The following PRKN variants were observed in gnomAD, a reference collection of about 807,000 sequenced individuals.
The protein encoded by PRKN is E3 ubiquitin-protein ligase parkin.
PRKN carries 56 observed loss-of-function variants against 59.5 expected under a neutral mutation model. That is an observed-to-expected ratio of 0.94 (90% CI 0.76 to 1.18). The LOEUF is 1.18. PRKN is among the 50% of genes most tolerant of loss of function. PRKN has a pLI of 0.00. For missense variants in PRKN, 657 were observed against 596.4 expected (o/e 1.10, Z -1.06); for synonymous variants, 250 against 222.1 (o/e 1.13, Z -1.12).
At chr6:161,783,776 A>C (rs2128206220) in intron 7 of PRKN, 1 of 441,884 alleles carries the variant, frequency 2.3e-6, no homozygotes, top group East Asian at 6.3e-5. Context: ...TTTGTTAAAA[A>C]GAAAGGCACA....
At position 161,579,257 on chromosome 6, in the gene PRKN, G is replaced by C. The variant is rs1374594875; in HGVS notation, c.872-9841C>G. ...AATGTCTAGTTAACGTTGGGGGAAA[G>C]AGAATCTGTGGGACTGTCATCCCCC... On this transcript the variant is annotated intron_variant, in intron 7 of 11. Coordinates refer to ENST00000366898, the MANE Select transcript of PRKN (RefSeq NM_004562.3). The surrounding 1 kb of genome is among the most constrained non-coding windows in gnomAD (Gnocchi z 4.2). 2.0e-5 allele frequency among the ~76,000 whole-genome samples: 3 copies of C among 152,218 alleles called. No homozygotes were observed. The highest frequency in any genetic ancestry group is 7.2e-5 in the African/African-American group (3 of 41,460).
At chr6:162,067,133 G>C (rs1337624397) in intron 4 of PRKN, among the ~76,000 whole-genome samples, 1 of 152,080 alleles carries the variant, frequency 6.6e-6, no homozygotes, top group Admixed American at 6.6e-5. Context: ...ATACAACGTA[G>C]AGCAACAATA....
intron 6 of PRKN, among the ~76,000 whole-genome samples, chr6:161,874,638 A>G (rs1455924521): frequency 1.2e-4 from 2 of 16,418 alleles, no homozygotes; most frequent in Non-Finnish European, 3.3e-4. Context: ...ATATAAATAT[A>G]TATTACATAT....
At chr6:162,559,526 G>A (rs1241724417) in intron 1 of PRKN, among the ~76,000 whole-genome samples, 1 of 152,138 alleles carries the variant, frequency 6.6e-6, no homozygotes, top group Admixed American at 6.5e-5. Flanking sequence ...ATTTCTACAA[G>A]AAAGCTACGG....
chr6:162,195,170 C>T (rs182251417), intron 4 of PRKN, among the ~76,000 whole-genome samples: 3 of 152,312 alleles, frequency 2.0e-5, no homozygotes, highest in Admixed American at 6.5e-5. Context: ...CTCTCACTGT[C>T]GGGACATCCA....
At chr6:162,628,753 C>CTT (rs1191937573) in intron 1 of PRKN, among the ~76,000 whole-genome samples, 5 of 152,010 alleles carry the variant, frequency 3.3e-5, no homozygotes, top group African/African-American at 1.2e-4. Flanking sequence ...CTAGCTCAAC[C>CTT]ATAAGTGTAT....
chr6:161,693,964 T>G (rs536745054), intron 7 of PRKN, among the ~76,000 whole-genome samples: 1 of 152,296 alleles, frequency 6.6e-6, no homozygotes, highest in East Asian at 1.9e-4. Flanking sequence ...GAAATCCTTG[T>G]AAATGTCCTT....
At chr6:162,084,997 T>C (rs1461955846) in intron 4 of PRKN, among the ~76,000 whole-genome samples, 3 of 151,644 alleles carry the variant, frequency 2.0e-5, no homozygotes, top group African/African-American at 7.3e-5. Flanking sequence ...TGACATGTTA[T>C]TCCATTATCA....
chr6:161,569,417 C>T lies in PRKN; in HGVS notation c.872-1G>A. Reference sequence around the variant, plus strand: ...TTAATCAAGGAGTTGGGACAGCCAGCTGTTGGAAAGAAGAATTAATCACAA... The same window carrying T: ...TTAATCAAGGAGTTGGGACAGCCAGTTGTTGGAAAGAAGAATTAATCACAA... On this transcript the variant is annotated splice_acceptor_variant, in intron 7 of 11. Coordinates refer to ENST00000366898, the MANE Select transcript of PRKN (RefSeq NM_004562.3). LOFTEE classifies it high-confidence loss of function. 6.2e-7 allele frequency: 1 copy of T among 1,613,248 alleles called. No individual in the cohort carries two copies. The highest frequency in any genetic ancestry group is 8.5e-7 in the Non-Finnish European group (1 of 1,179,228).
rs149630513 is a variant in PRKN at position 161,447,744 on chromosome 6, C to T, written c.1084-60867G>A. On this transcript the variant is annotated intron_variant, in intron 9 of 11. Transcript: ENST00000366898. The surrounding 1 kb of genome is among the most constrained non-coding windows in gnomAD (Gnocchi z 4.1). ...TCCTGACCTCATGATCAGCCCGCCT[C>T]GGCCTCCCAATGTGCTGGGATTACA... Among the ~76,000 whole-genome samples, 2 of 152,298 alleles carry T rather than the reference C, an allele frequency of 1.3e-5. No individual in the cohort carries two copies. The highest frequency in any genetic ancestry group is 1.5e-5 in the Non-Finnish European group (1 of 68,024).
intron 2 of PRKN, among the ~76,000 whole-genome samples, chr6:162,391,026 A>G (rs949460061): frequency 1.1e-4 from 16 of 152,332 alleles, no homozygotes. Context: ...AAGTGTTGTT[A>G]GAATTCCAAG....
chr6:162,490,929 C>T (rs1202508764), intron 1 of PRKN, among the ~76,000 whole-genome samples: 1 of 151,868 alleles, frequency 6.6e-6, no homozygotes, highest in African/African-American at 2.4e-5. Flanking sequence ...AGGCCAGAAG[C>T]TCGAGGCCAC....
chr6:162,039,698 G>A (rs1290039614), intron 5 of PRKN, among the ~76,000 whole-genome samples: 1 of 152,148 alleles, frequency 6.6e-6, no homozygotes, highest in African/African-American at 2.4e-5. Context: ...CTCAACCTTA[G>A]GTATTCCTTT....
chr6:161,698,294 G>C (rs1023529069), intron 7 of PRKN, among the ~76,000 whole-genome samples: 2 of 152,044 alleles, frequency 1.3e-5, no homozygotes, highest in African/African-American at 4.8e-5. Context: ...ACAAATTGGA[G>C]AATTTACAAT....
chr6:161,697,508 T>G (rs1220081369), intron 7 of PRKN, among the ~76,000 whole-genome samples: 1 of 152,182 alleles, frequency 6.6e-6, no homozygotes, highest in Non-Finnish European at 1.5e-5. Context: ...TGCCCTCTCA[T>G]AAAGTCCAAC....
chr6:161,437,417 G>T lies in PRKN; in HGVS notation c.1084-50540C>A, dbSNP rs1467766084. On this transcript the variant is annotated intron_variant, in intron 9 of 11. Transcript: ENST00000366898. ...CAGTGAGCAATTTAAAACTTAGGAA[G>T]TGTTGAGCTGGTATTTTCCATTTAA... Among the ~76,000 whole-genome samples, 3 of 152,172 alleles carry T rather than the reference G, an allele frequency of 2.0e-5. No homozygotes were observed. The East Asian group carries it at 5.8e-4, about 29-fold the overall frequency.
At position 162,327,527 on chromosome 6, in the gene PRKN, T is replaced by C. The variant is rs181036290; in HGVS notation, c.172-64762A>G. Among the ~76,000 whole-genome samples the C allele has an allele frequency of 4.3e-3, 581 of 135,930 alleles. 3 individuals are homozygous for C. Among genetic ancestry groups the C allele is most frequent in the Non-Finnish European group, 7.1e-3 (421 of 58,942 alleles). 89.2% of individuals were successfully genotyped at this position (135,930 alleles called of 152,430 possible). A position where few individuals can be genotyped will look rare whatever the true frequency, so the allele number is the denominator to read the frequency against. ...AAAATGTGAGGTCCTTGACGACGGT[T>C]TTCTCTACAGTTTCAATGTTAGGTT... On this transcript the variant is annotated intron_variant, in intron 2 of 11. Coordinates refer to ENST00000366898, the MANE Select transcript of PRKN (RefSeq NM_004562.3).
chr6:162,236,017 G>GAAAGAAAGAAAGAA (rs1554288906), intron 3 of PRKN, among the ~76,000 whole-genome samples: 1 of 149,264 alleles, frequency 6.7e-6, no homozygotes, highest in Non-Finnish European at 1.5e-5. Flanking sequence ...AAGAAAGAAA[G>GAAAGAAAGAAAGAA]AAAGAAACTC....
At chr6:162,113,580 A>G (rs1780534812) in intron 4 of PRKN, among the ~76,000 whole-genome samples, 1 of 152,228 alleles carries the variant, frequency 6.6e-6, no homozygotes, top group Non-Finnish European at 1.5e-5. Context: ...ATATGTATAC[A>G]TGTACACAAT....
Sources: gnomAD v4.1 joint callset for allele counts (sites outside exome capture counted in the v4.1 genomes callset) on GRCh38, gnomAD v4.1.1 for gene constraint, Gnocchi (gnomAD v3.1) non-coding constraint, MANE v1.5 for transcripts, NCBI Gene and HGNC (gene_info 2026-07-23, HGNC 2026-07-21) for gene names.